The following CCDC7 variants were observed in gnomAD, a reference collection of about 807,000 sequenced individuals.
CCDC7 encodes the protein coiled-coil domain containing 7.
Under a neutral mutation model 196.9 loss-of-function variants are expected in CCDC7, and 183 were observed. The ratio of observed to expected loss-of-function variants is 0.93; its 90% CI spans 0.82 to 1.05. CCDC7 has a LOEUF of 1.05. Ranked by LOEUF, CCDC7 falls within the 50% of genes least tolerant of loss-of-function variation. CCDC7 has a pLI of 0.00. For missense variants in CCDC7, 1,540 were observed against 1,482.2 expected, an observed-to-expected ratio of 1.04 and a Z score of -0.64; for synonymous variants, 525 against 484.6, an observed-to-expected ratio of 1.08 and a Z score of -1.10.
At chr10:32,808,272 A>T (rs1451008147) in intron 30 of CCDC7, among the ~76,000 whole-genome samples, 5 of 152,166 alleles carry the variant, frequency 3.3e-5, no homozygotes, top group African/African-American at 1.2e-4. Flanking sequence ...GGGCCAGGGG[A>T]TTACCTTGCC....
chr10:32,584,667 C>T (rs1320144421), intron 18 of CCDC7, among the ~76,000 whole-genome samples: 1 of 141,334 alleles, frequency 7.1e-6, no homozygotes, highest in Non-Finnish European at 1.5e-5. Context: ...GCAGGAGAAT[C>T]GCTTGAACCC....
At chr10:32,443,326 T>C (rs1465891577), upstream of CCDC7, among the ~76,000 whole-genome samples, 1 of 152,174 alleles carries the variant, frequency 6.6e-6, no homozygotes, top group African/African-American at 2.4e-5. Context: ...ATAAACCCAG[T>C]TGCTGTTACT....
intron 31 of CCDC7, among the ~76,000 whole-genome samples, chr10:32,822,768 G>A (rs1030027399): frequency 1.3e-5 from 2 of 152,088 alleles, no homozygotes; most frequent in Non-Finnish European, 2.9e-5. Flanking sequence ...TGGAAAAATA[G>A]TATGGTTTAA....
chr10:32,617,508 A>C (rs2062909030), intron 18 of CCDC7, among the ~76,000 whole-genome samples: 2 of 151,864 alleles, frequency 1.3e-5, no homozygotes, highest in South Asian at 4.1e-4. Flanking sequence ...TCATTTAATA[A>C]AATTTTTAAA....
chr10:32,734,863 G>A (rs539682416), intron 28 of CCDC7, among the ~76,000 whole-genome samples: 37 of 151,862 alleles, frequency 2.4e-4, no homozygotes, highest in Admixed American at 2.3e-3. Flanking sequence ...GTGCCACTGC[G>A]CTCCAGCCTG....
intron 11 of CCDC7, among the ~76,000 whole-genome samples, chr10:32,534,577 C>T (rs2050173839): frequency 6.6e-6 from 1 of 151,320 alleles, no homozygotes; most frequent in East Asian, 1.9e-4. Flanking sequence ...TGGTTTGCTG[C>T]TTTTTTGGGG....
chr10:32,853,522 T>G (rs1425389853), intron 40 of CCDC7, among the ~76,000 whole-genome samples: 1 of 152,188 alleles, frequency 6.6e-6, no homozygotes, highest in Non-Finnish European at 1.5e-5. Context: ...ATGTAAAATT[T>G]TACTAACTTT....
intron 21 of CCDC7, among the ~76,000 whole-genome samples, chr10:32,669,561 C>G (rs2073622754): frequency 2.0e-5 from 3 of 152,130 alleles, no homozygotes; most frequent in South Asian, 4.1e-4. Context: ...AATCACCTTA[C>G]TCATTATTAG....
intron 18 of CCDC7, among the ~76,000 whole-genome samples, chr10:32,624,984 GTTTTTTT>G (rs35752534): frequency 1.9e-5 from 1 of 51,678 alleles, no homozygotes; most frequent in South Asian, 1.4e-3. Flanking sequence ...CTTTGCACAA[GTTTTTTT>G]TTTTTTTTTT....
At chr10:32,496,909 A>G (rs973021098) in intron 9 of CCDC7, among the ~76,000 whole-genome samples, 14 of 152,186 alleles carry the variant, frequency 9.2e-5, no homozygotes, top group African/African-American at 3.4e-4. Context: ...GCCTCATAAA[A>G]TGAGTTAGGG....
At chr10:32,845,518 A>T in intron 34 of CCDC7, 25 bp from the exon 36 acceptor site, 2 of 1,547,084 alleles carry the variant, frequency 1.3e-6, no homozygotes, top group Non-Finnish European at 1.8e-6. Flanking sequence ...TACAAAATAT[A>T]CTGAAATCTG....
At chr10:32,653,468 C>G (rs1038961596) in intron 20 of CCDC7, among the ~76,000 whole-genome samples, 1 of 152,168 alleles carries the variant, frequency 6.6e-6, no homozygotes, top group African/African-American at 2.4e-5. Flanking sequence ...ACTTTCTGCT[C>G]TCTTCAATGA....
chr10:32,843,398 T>C (rs985605910), intron 33 of CCDC7, among the ~76,000 whole-genome samples: 1 of 152,030 alleles, frequency 6.6e-6, no homozygotes, highest in Non-Finnish European at 1.5e-5. Flanking sequence ...GGAATTTGAT[T>C]AGTATAAACT....
chr10:32,869,900 G>A (rs1453578654), intron 41 of CCDC7, among the ~76,000 whole-genome samples: 1 of 151,024 alleles, frequency 6.6e-6, no homozygotes, highest in Non-Finnish European at 1.5e-5. Flanking sequence ...AAGATCAGAT[G>A]GTTGTAGATA....
chr10:32,820,421 C>T (rs991080765), intron 31 of CCDC7, among the ~76,000 whole-genome samples: 2 of 152,188 alleles, frequency 1.3e-5, no homozygotes, highest in Non-Finnish European at 2.9e-5. Flanking sequence ...ATGCCATCCC[C>T]ATTAAGCTAC....
At chr10:32,714,201 C>A (rs993150239) in intron 25 of CCDC7, among the ~76,000 whole-genome samples, 1 of 152,094 alleles carries the variant, frequency 6.6e-6, no homozygotes, top group African/African-American at 2.4e-5. Context: ...CTGAGGTACT[C>A]GGTTCGTCTC....
chr10:32,612,336 T>G (rs190503000), intron 18 of CCDC7, among the ~76,000 whole-genome samples: 1 of 133,272 alleles, frequency 7.5e-6, no homozygotes, highest in East Asian at 2.3e-4. Context: ...CAATGGGGTT[T>G]TCTAAATATA....
At chr10:32,465,832 C>T (rs9338709) in intron 5 of CCDC7, among the ~76,000 whole-genome samples, 1 of 151,874 alleles carries the variant, frequency 6.6e-6, no homozygotes, top group Non-Finnish European at 1.5e-5. Context: ...AATTTTTACT[C>T]CTAAACTCAT....
At chr10:32,582,985 T>C in intron 16 of CCDC7, 49 bp from the exon 18 acceptor site, 1 of 1,124,422 alleles carries the variant, frequency 8.9e-7, no homozygotes, top group Non-Finnish European at 1.1e-6. Flanking sequence ...CAGTTGCAAA[T>C]AAAATGGTCT....
Sources: allele counts gnomAD v4.1 joint callset (sites outside exome capture counted in the v4.1 genomes callset), GRCh38; gene constraint gnomAD v4.1.1; transcripts MANE v1.5; gene names NCBI Gene and HGNC (gene_info 2026-07-23, HGNC 2026-07-21).